The following GALNT13 variants were observed in gnomAD, a reference collection of about 807,000 sequenced individuals.
The protein encoded by GALNT13 is polypeptide N-acetylgalactosaminyltransferase 13, also known as UDP-GalNAc:polypeptide N-acetylgalactosaminyltransferase 13.
A neutral mutation model predicts 64.2 loss-of-function variants in GALNT13; 28 were observed. The observed-to-expected ratio is 0.44, with a 90% confidence interval of 0.32 to 0.60. GALNT13 has a LOEUF of 0.60. GALNT13 is among the 20% of genes least tolerant of loss of function. The pLI, the probability that GALNT13 is intolerant of heterozygous loss-of-function variation, is 0.05. For synonymous variants in GALNT13, 214 were observed against 224.6 expected, an observed-to-expected ratio of 0.95 and a Z score of 0.42; for missense variants, 577 against 669.8, an observed-to-expected ratio of 0.86 and a Z score of 1.53.
At chr2:154,148,248 C>T (rs36135557) in intron 4 of GALNT13, among the ~76,000 whole-genome samples, 27,612 of 151,662 alleles carry the variant, frequency 0.18, 3,289 homozygotes, top group Non-Finnish European at 0.26. Context: ...CTACAAAGGA[C>T]ATGAACTCAT....
chr2:153,947,772 A>G (rs181380953), intron 3 of GALNT13, among the ~76,000 whole-genome samples: 1 of 151,984 alleles, frequency 6.6e-6, no homozygotes, highest in African/African-American at 2.4e-5. Flanking sequence ...CATGTCCTGG[A>G]TGGTATTGCC....
the GALNT13 span, chr2:153,478,217 C>G: frequency 6.3e-7 from 1 of 1,592,926 alleles, no homozygotes; most frequent in Non-Finnish European, 8.6e-7. Flanking sequence ...GAGCGGTTGC[C>G]GCGGGGGCAG....
the GALNT13 span, among the ~76,000 whole-genome samples, chr2:153,427,142 C>A: frequency 6.6e-6 from 1 of 151,910 alleles, no homozygotes; most frequent in Non-Finnish European, 1.5e-5. Context: ...AGTACCTATT[C>A]AAAGAATGAC....
At chr2:154,132,543 T>C (rs1427268828) in intron 3 of GALNT13, among the ~76,000 whole-genome samples, 1 of 152,068 alleles carries the variant, frequency 6.6e-6, no homozygotes, top group Non-Finnish European at 1.5e-5. Flanking sequence ...TATGTACACT[T>C]ATAATGGGAT....
chr2:154,315,075 A>T (rs900000198), intron 9 of GALNT13, among the ~76,000 whole-genome samples: 4 of 152,292 alleles, frequency 2.6e-5, no homozygotes, highest in South Asian at 2.1e-4. Flanking sequence ...TATAAGATGG[A>T]TAAATTTCTC....
intron 8 of GALNT13, among the ~76,000 whole-genome samples, chr2:154,259,892 T>C (rs1244946748): frequency 6.6e-6 from 1 of 152,116 alleles, no homozygotes; most frequent in Non-Finnish European, 1.5e-5. Flanking sequence ...TTGTTGTTGT[T>C]GTTTTTTGAG....
At chr2:153,961,307 T>C (rs1209366327) in intron 3 of GALNT13, among the ~76,000 whole-genome samples, 3 of 152,190 alleles carry the variant, frequency 2.0e-5, no homozygotes, top group African/African-American at 7.2e-5. Context: ...AGAGAGACTC[T>C]ATGAAATTAA....
intron 3 of GALNT13, among the ~76,000 whole-genome samples, chr2:153,980,882 C>T (rs1163868433): frequency 1.1e-4 from 16 of 152,068 alleles, no homozygotes. Flanking sequence ...GCTCAGAATA[C>T]CTCGTATATT....
At chr2:154,399,150 G>A (rs1699184527) in intron 10 of GALNT13, among the ~76,000 whole-genome samples, 3 of 152,046 alleles carry the variant, frequency 2.0e-5, no homozygotes, top group Admixed American at 2.0e-4. Flanking sequence ...GAGTGTGTTG[G>A]CAGGTGCCCA....
the GALNT13 span, among the ~76,000 whole-genome samples, chr2:153,555,938 A>G: frequency 6.6e-6 from 1 of 152,222 alleles, no homozygotes; most frequent in African/African-American, 2.4e-5. Context: ...GCTTTTGCCT[A>G]AAGCTCGGGA....
At chr2:153,976,840 A>C (rs972875264) in intron 3 of GALNT13, among the ~76,000 whole-genome samples, 9 of 152,130 alleles carry the variant, frequency 5.9e-5, no homozygotes, top group Non-Finnish European at 1.0e-4. Flanking sequence ...CAAAAAATTA[A>C]TATGGAAACA....
chr2:153,585,230 AAAAC>A, the GALNT13 span, among the ~76,000 whole-genome samples: 1 of 152,194 alleles, frequency 6.6e-6, no homozygotes, highest in Non-Finnish European at 1.5e-5. Flanking sequence ...ATATTTACAA[AAAAC>A]AAACCAAATA....
chr2:153,354,996 A>T, the GALNT13 span, among the ~76,000 whole-genome samples: 1 of 152,200 alleles, frequency 6.6e-6, no homozygotes, highest in Admixed American at 6.5e-5. Context: ...TGAAATGTTC[A>T]AATATATTGG....
At chr2:153,173,299 G>T in the GALNT13 span, 1 of 152,280 alleles carries the variant, frequency 6.6e-6, no homozygotes, top group Admixed American at 6.5e-5. Context: ...CAGAGGAATG[G>T]TCACCCCTGG....
the GALNT13 span, among the ~76,000 whole-genome samples, chr2:153,147,948 C>A: frequency 6.6e-6 from 1 of 151,822 alleles, no homozygotes; most frequent in East Asian, 1.9e-4. Context: ...AGAACCTAGA[C>A]ATGCTTGAGT....
chr2:153,462,314 C>A, the GALNT13 span, among the ~76,000 whole-genome samples: 6 of 151,880 alleles, frequency 4.0e-5, no homozygotes, highest in African/African-American at 1.2e-4. Context: ...TTCATATTTT[C>A]TGCATTTAAA....
chr2:153,974,877 G>A (rs931390787), intron 3 of GALNT13, among the ~76,000 whole-genome samples: 3 of 151,982 alleles, frequency 2.0e-5, no homozygotes, highest in Non-Finnish European at 2.9e-5. Flanking sequence ...GTCTCCCTAT[G>A]TCTTTGTGAT....
At chr2:153,870,882 G>C (rs556312326), upstream of GALNT13, among the ~76,000 whole-genome samples, 1 of 151,906 alleles carries the variant, frequency 6.6e-6, no homozygotes. Flanking sequence ...ACCCCTGTCA[G>C]CCCTTATTAC....
chr2:154,189,497 C>T (rs1573841549), intron 4 of GALNT13, among the ~76,000 whole-genome samples: 2 of 139,102 alleles, frequency 1.4e-5, no homozygotes, highest in Admixed American at 1.4e-4. Context: ...AAAAAAAAGG[C>T]GTGTGAGCAT....
Sources: gnomAD v4.1 joint callset for allele counts (sites outside exome capture counted in the v4.1 genomes callset) on GRCh38, gnomAD v4.1.1 for gene constraint, MANE v1.5 for transcripts, NCBI Gene and HGNC (gene_info 2026-07-23, HGNC 2026-07-21) for gene names.